Variants in NIPBL observed in about 807,000 individuals in gnomAD.
The protein encoded by NIPBL is nipped-B-like protein.
NIPBL carries 19 observed loss-of-function variants against 321.8 expected under a neutral mutation model. The ratio of observed to expected loss-of-function variants is 0.06; its 90% confidence interval spans 0.04 to 0.09. NIPBL has a LOEUF of 0.09. Among genes scored for constraint, NIPBL ranks in the 10% least tolerant of loss-of-function variants. NIPBL has a pLI of 1.00. For synonymous variants in NIPBL, 1,106 were observed against 1,114.1 expected, an observed-to-expected ratio of 0.99 and a Z score of 0.14; for missense variants, 2,210 against 3,327.0, an observed-to-expected ratio of 0.66 and a Z score of 8.26.
At position 37,026,139 on chromosome 5, in the gene NIPBL, T is replaced by C. The variant is rs544416698; in HGVS notation, c.5710-90T>C. ...AGTTTGTGTTTTGATTAGTTATTTATAGCTTTGTGTTGGGCCTAATGAGAA... is the reference window on the plus strand; with the variant it reads ...AGTTTGTGTTTTGATTAGTTATTTACAGCTTTGTGTTGGGCCTAATGAGAA... On this transcript the variant is annotated intron_variant, in intron 30 of 46. Transcript: ENST00000282516. 18 of 745,180 alleles carry C rather than the reference T, an allele frequency of 2.4e-5. No homozygotes were observed. In the African/African-American group the frequency reaches 2.4e-4, roughly 10 times the overall value. The allele number at this position is 745,180 out of a possible 1,614,324, so 46.2% of individuals were successfully genotyped here. A position where few individuals can be genotyped will look rare whatever the true frequency, so the allele number is the denominator to read the frequency against.
chr5:36,945,935 A>G (rs2149588303), intron 1 of NIPBL, among the ~76,000 whole-genome samples: 1 of 152,276 alleles, frequency 6.6e-6, no homozygotes, highest in South Asian at 2.1e-4. Flanking sequence ...TAAAATAGTA[A>G]GTAGTACCAC....
chr5:36,993,201 T>C (rs1745748529), intron 10 of NIPBL, among the ~76,000 whole-genome samples: 2 of 152,226 alleles, frequency 1.3e-5, no homozygotes, highest in South Asian at 4.1e-4. Context: ...TGGAGGATGA[T>C]ACATGTAGAG....
chr5:36,926,924 T>G (rs1479249115), intron 1 of NIPBL, among the ~76,000 whole-genome samples: 3 of 152,154 alleles, frequency 2.0e-5, no homozygotes, highest in African/African-American at 7.2e-5. Context: ...CGGGAACAAA[T>G]TTAAACAGTT....
At chr5:36,877,670 T>G (rs1383917786) in intron 1 of NIPBL, among the ~76,000 whole-genome samples, 1 of 152,214 alleles carries the variant, frequency 6.6e-6, no homozygotes, top group Non-Finnish European at 1.5e-5. Flanking sequence ...TTCTTCCCCC[T>G]GTGACCCCAT....
chr5:37,006,917 A>C (rs775524990), intron 17 of NIPBL, among the ~76,000 whole-genome samples: 55 of 151,962 alleles, frequency 3.6e-4, no homozygotes, highest in Non-Finnish European at 6.5e-4. Context: ...TCTTGTTCTT[A>C]ACCTTTATAA....
intron 8 of NIPBL, among the ~76,000 whole-genome samples, chr5:36,974,710 A>G (rs1476616783): frequency 3.3e-5 from 5 of 152,248 alleles, no homozygotes; most frequent in East Asian, 1.9e-4. Context: ...GTATGTTTAT[A>G]TATAACATTT....
At chr5:37,033,087 CT>C (rs1186280724) in intron 32 of NIPBL, among the ~76,000 whole-genome samples, 1 of 152,090 alleles carries the variant, frequency 6.6e-6, no homozygotes, top group Non-Finnish European at 1.5e-5. Flanking sequence ...GCAAGAAAAA[CT>C]TTTGATAAAA....
intron 1 of NIPBL, among the ~76,000 whole-genome samples, chr5:36,916,927 T>C (rs1278349849): frequency 6.6e-6 from 1 of 152,148 alleles, no homozygotes; most frequent in Non-Finnish European, 1.5e-5. Flanking sequence ...TGGTTCCAAG[T>C]CTTTGCTATT....
chr5:36,897,593 G>A (rs1391481443), intron 1 of NIPBL, among the ~76,000 whole-genome samples: 2 of 152,096 alleles, frequency 1.3e-5, no homozygotes, highest in African/African-American at 2.4e-5. Flanking sequence ...AGTAAGATCA[G>A]ACAACTCAGA....
At chr5:36,952,084 G>A (rs568729103) in intron 1 of NIPBL, among the ~76,000 whole-genome samples, 4 of 149,950 alleles carry the variant, frequency 2.7e-5, no homozygotes, top group South Asian at 2.1e-4. Context: ...ATGTGTGTGT[G>A]TAGCAGTTTA....
chr5:37,013,306 C>A (rs1235572494), intron 21 of NIPBL, among the ~76,000 whole-genome samples: 1 of 150,882 alleles, frequency 6.6e-6, no homozygotes, highest in African/African-American at 2.4e-5. Flanking sequence ...GCTGACCCCC[C>A]CACCTCCCTC....
intron 1 of NIPBL, among the ~76,000 whole-genome samples, chr5:36,891,437 G>A (rs1333299385): frequency 1.3e-5 from 2 of 152,148 alleles, no homozygotes; most frequent in Non-Finnish European, 2.9e-5. Flanking sequence ...ATTTAGACTA[G>A]TGTGGTGAGG....
At position 37,000,354 on chromosome 5, in the gene NIPBL, C is replaced by G. The variant is rs1746643272; in HGVS notation, c.3305-19C>G. The G allele has an allele frequency of 1.2e-6, 2 of 1,608,022 alleles. No homozygotes were observed. Among genetic ancestry groups the G allele is most frequent in the Non-Finnish European group, 1.7e-6 (2 of 1,175,926 alleles). On this transcript the variant is annotated intron_variant, in intron 11 of 46. Transcript: ENST00000282516. ...TTTTTAAATGAGGTAAATTATTTGT[C>G]ATGGGGATTTGCTTCTAGCCTCTAG...
chr5:37,009,956 A>G, intron 20 of NIPBL, 131 bp from the exon 21 acceptor site: 1 of 716,360 alleles, frequency 1.4e-6, no homozygotes, highest in East Asian at 2.7e-5. Flanking sequence ...ATTACACATA[A>G]GAACACAATA....
chr5:36,936,089 A>G (rs1738387957), intron 1 of NIPBL, among the ~76,000 whole-genome samples: 3 of 152,158 alleles, frequency 2.0e-5, no homozygotes, highest in African/African-American at 4.8e-5. Context: ...TAAACTATTC[A>G]GTAATTGCAT....
intron 1 of NIPBL, among the ~76,000 whole-genome samples, chr5:36,904,530 A>G (rs1300258753): frequency 6.6e-6 from 1 of 152,220 alleles, no homozygotes; most frequent in Non-Finnish European, 1.5e-5. Flanking sequence ...TTAGCAGTTT[A>G]GAGCAATAAA....
At chr5:36,880,705 T>C (rs1417734646) in intron 1 of NIPBL, among the ~76,000 whole-genome samples, 1 of 152,056 alleles carries the variant, frequency 6.6e-6, no homozygotes, top group East Asian at 1.9e-4. Flanking sequence ...AAAAATTGTT[T>C]TAAGATGGAC....
intron 1 of NIPBL, among the ~76,000 whole-genome samples, chr5:36,890,444 C>A (rs2149523423): frequency 6.6e-6 from 1 of 152,242 alleles, no homozygotes; most frequent in African/African-American, 2.4e-5. Context: ...TTGTGTTTTT[C>A]ATATAGAATA....
rs1748699979 is a variant in NIPBL at position 37,014,546 on chromosome 5, C to T, written c.4561-137C>T. ...GCTTAGTGTGCTAATTTTGGCTTCTCTTATTATATATAATGTAATAGTTTA... is the reference window on the plus strand; with the variant it reads ...GCTTAGTGTGCTAATTTTGGCTTCTTTTATTATATATAATGTAATAGTTTA... On this transcript the variant is annotated intron_variant, in intron 21 of 46. Transcript: ENST00000282516. The T allele has an allele frequency of 5.3e-6, 3 of 570,924 alleles. No homozygotes were observed. In the Admixed American group the frequency reaches 9.2e-5, roughly 17 times the overall value. 35.4% of individuals were successfully genotyped at this position (570,924 alleles called of 1,614,324 possible).
Sources: gnomAD v4.1 joint callset for allele counts (sites outside exome capture counted in the v4.1 genomes callset) on GRCh38, gnomAD v4.1.1 for gene constraint, MANE v1.5 for transcripts, NCBI Gene and HGNC (gene_info 2026-07-23, HGNC 2026-07-21) for gene names.